The following SPTSSA variants were observed in gnomAD, a reference collection of about 807,000 sequenced individuals.
SPTSSA encodes the protein serine palmitoyltransferase small subunit A, also known as small subunit of serine palmitoyltransferase A.
A neutral mutation model predicts 9.1 loss-of-function variants in SPTSSA; 8 were observed. The observed-to-expected ratio is 0.88, with a 90% CI of 0.51 to 1.58. The LOEUF (loss-of-function observed/expected upper bound fraction) is 1.58. Ranked by LOEUF, SPTSSA falls within the 40% of genes most tolerant of loss-of-function variation. The pLI is 0.00. For synonymous variants in SPTSSA, 42 were observed against 37.7 expected, an observed-to-expected ratio of 1.11 and a Z score of -0.41; for missense variants, 100 against 93.8, an observed-to-expected ratio of 1.07 and a Z score of -0.27.
chr14:34,461,813 TCA>T (rs1342030776), intron 1 of SPTSSA, among the ~76,000 whole-genome samples: 1 of 152,108 alleles, frequency 6.6e-6, no homozygotes, highest in Non-Finnish European at 1.5e-5. Flanking sequence ...GGGTTACACA[TCA>T]CCTTCGGAGA....
intron 1 of SPTSSA, among the ~76,000 whole-genome samples, chr14:34,444,823 G>A (rs535519120): frequency 8.5e-5 from 13 of 152,094 alleles, no homozygotes; most frequent in Admixed American, 2.0e-4. Context: ...GGTCAGGCAC[G>A]ATGGCTCATG....
Position 34,434,368 on chromosome 14 carries a change from A to G in SPTSSA, c.*833T>C, listed in dbSNP as rs1296580042. The stretch of plus-strand genomic sequence containing the variant: ...TGCAAATGCAGCACCCATTACAATC[A>G]TTAAACTAAATTTAAGGAAGTACAT... On this transcript the variant is annotated 3_prime_UTR_variant, in exon 2 of 2. Coordinates refer to ENST00000298130, the MANE Select transcript of SPTSSA (RefSeq NM_138288.4). 1 of 152,672 alleles carries G rather than the reference A, an allele frequency of 6.5e-6. No homozygotes were observed. Among genetic ancestry groups the G allele is most frequent in the African/African-American group, 2.4e-5 (1 of 41,468 alleles). 9.5% of individuals were successfully genotyped at this position (152,672 alleles called of 1,614,324 possible).
At chr14:34,443,198 G>GTGTGT (rs1555314387) in intron 1 of SPTSSA, among the ~76,000 whole-genome samples, 4 of 11,478 alleles carry the variant, frequency 3.5e-4, no homozygotes, top group Non-Finnish European at 3.1e-4. Context: ...TCCTCTAGGG[G>GTGTGT]GTGTGTGTGT....
At chr14:34,449,768 GC>G (rs1340492514) in intron 1 of SPTSSA, among the ~76,000 whole-genome samples, 1 of 152,180 alleles carries the variant, frequency 6.6e-6, no homozygotes, top group East Asian at 1.9e-4. Flanking sequence ...CTCCCAAAGT[GC>G]TGGGATTATA....
rs761705792 is a variant in SPTSSA, at chr14:34,462,070, C to CCG, written c.112+24_112+25dup. On this transcript the variant is annotated intron_variant, in intron 1 of 1. Coordinates refer to ENST00000298130, the MANE Select transcript of SPTSSA (RefSeq NM_138288.4). The stretch of plus-strand genomic sequence containing the variant: ...GCGGCCCGCGCCCCCAGCCCGGCCC[C>CCG]CGCGCGCGCGGCCGGGACAGGATAC... The CCG allele has an allele frequency of 7.0e-5, 95 of 1,359,232 alleles. 1 individual carries two copies. The East Asian group carries it at 2.9e-3, about 42-fold the overall frequency. The allele number at this position is 1,359,232 out of a possible 1,614,324, so 84.2% of individuals were successfully genotyped here.
At chr14:34,459,910 T>A (rs1878583610) in intron 1 of SPTSSA, among the ~76,000 whole-genome samples, 1 of 152,192 alleles carries the variant, frequency 6.6e-6, no homozygotes, top group African/African-American at 2.4e-5. Context: ...GATTGATGAT[T>A]AAGTTGAATG....
chr14:34,443,194 A>AGG (rs796571795), intron 1 of SPTSSA, among the ~76,000 whole-genome samples: 1 of 14,540 alleles, frequency 6.9e-5, no homozygotes, highest in Non-Finnish European at 9.8e-5. Context: ...GTTTTCCTCT[A>AGG]GGGGGTGTGT....
rs1322486761 is a variant in SPTSSA at position 34,438,971 on chromosome 14, T to TAGGG, written c.113-3668_113-3667insCCCT. 6.6e-5 allele frequency among the ~76,000 whole-genome samples: 10 copies of TAGGG among 152,212 alleles called. No homozygotes were observed. The East Asian group carries it at 1.7e-3, about 26-fold the overall frequency. ...TCCGATCTAGCCCCAAATCTTAGGA[T>TAGGG]CCACAGAAGTAGATAGGGACTGAAG... On this transcript the variant is annotated intron_variant, in intron 1 of 1. Coordinates refer to ENST00000298130, the MANE Select transcript of SPTSSA (RefSeq NM_138288.4).
intron 1 of SPTSSA, among the ~76,000 whole-genome samples, chr14:34,457,426 G>T (rs1878507579): frequency 6.6e-6 from 1 of 152,102 alleles, no homozygotes; most frequent in Non-Finnish European, 1.5e-5. Flanking sequence ...ACTTTTGAAA[G>T]GTATGTTAAA....
chr14:34,446,412 A>G (rs928969429), intron 1 of SPTSSA, among the ~76,000 whole-genome samples: 1 of 152,350 alleles, frequency 6.6e-6, no homozygotes, highest in South Asian at 2.1e-4. Flanking sequence ...TACAAACAAT[A>G]GAAGTGGAAA....
intron 1 of SPTSSA, among the ~76,000 whole-genome samples, chr14:34,457,970 G>GAAAAAAAAAAAAAAA (rs1566427256): frequency 1.2e-5 from 1 of 83,360 alleles, no homozygotes; most frequent in Admixed American, 1.2e-4. Context: ...AGACTGTCTC[G>GAAAAAAAAAAAAAAA]GAAAAAAAAA....
intron 1 of SPTSSA, among the ~76,000 whole-genome samples, chr14:34,441,425 A>AT (rs1354429119): frequency 2.0e-5 from 3 of 152,198 alleles, no homozygotes; most frequent in Non-Finnish European, 2.9e-5. Context: ...TTGAGCCCCT[A>AT]TGCTCAAGCC....
chr14:34,435,621 C>CTTT (rs1222408409), intron 1 of SPTSSA, among the ~76,000 whole-genome samples: 10 of 105,742 alleles, frequency 9.5e-5, no homozygotes, highest in Non-Finnish European at 1.3e-4. Context: ...TTGTTTGTTT[C>CTTT]TCTTTTTTTT....
At chr14:34,451,620 G>C (rs991942401) in intron 1 of SPTSSA, among the ~76,000 whole-genome samples, 10 of 151,702 alleles carry the variant, frequency 6.6e-5, no homozygotes, top group South Asian at 2.1e-4. Context: ...CTACTCCGGA[G>C]GCTGAGGCAG....
At chr14:34,452,667 A>C (rs1822045469) in intron 1 of SPTSSA, among the ~76,000 whole-genome samples, 1 of 152,204 alleles carries the variant, frequency 6.6e-6, no homozygotes. Flanking sequence ...TCCCAGAGAC[A>C]CTAAGGTTAT....
At chr14:34,442,029 C>A (rs373341094) in intron 1 of SPTSSA, among the ~76,000 whole-genome samples, 1 of 152,134 alleles carries the variant, frequency 6.6e-6, no homozygotes. Flanking sequence ...GCGCCCGCCA[C>A]CATGCCCGGC....
intron 1 of SPTSSA, among the ~76,000 whole-genome samples, chr14:34,442,458 AT>A (rs1256397151): frequency 6.6e-6 from 1 of 152,220 alleles, no homozygotes; most frequent in African/African-American, 2.4e-5. Flanking sequence ...GGTCAGAGAC[AT>A]CTGGCACTCC....
chr14:34,436,029 C>T (rs1396955387), intron 1 of SPTSSA, among the ~76,000 whole-genome samples: 1 of 152,108 alleles, frequency 6.6e-6, no homozygotes, highest in African/African-American at 2.4e-5. Context: ...GATCTACCAA[C>T]TTAACTAATA....
At chr14:34,443,018 T>TTGTGTG (rs199679411) in intron 1 of SPTSSA, among the ~76,000 whole-genome samples, 1 of 110,178 alleles carries the variant, frequency 9.1e-6, no homozygotes, top group South Asian at 3.0e-4. Context: ...GTGTGTGTGT[T>TTGTGTG]TGTGTGTGTG....
Sources: gnomAD v4.1 joint callset for allele counts (sites outside exome capture counted in the v4.1 genomes callset) on GRCh38, gnomAD v4.1.1 for gene constraint, MANE v1.5 for transcripts, NCBI Gene and HGNC (gene_info 2026-07-23, HGNC 2026-07-21) for gene names.